Variants in NOS2 observed in about 807,000 individuals in gnomAD.
NOS2 encodes the protein nitric oxide synthase 2, also known as nitric oxide synthase, inducible.
In NOS2, 96 loss-of-function variants were observed where a neutral mutation model predicts 136.0. The ratio of observed to expected loss-of-function variants is 0.71; its 90% confidence interval spans 0.60 to 0.84. The LOEUF (loss-of-function observed/expected upper bound fraction) is 0.84. NOS2 is among the 40% of genes least tolerant of loss of function. NOS2 has a pLI of 0.00. For missense variants in NOS2, 1,237 were observed against 1,496.9 expected (o/e 0.83, Z 2.87); for synonymous variants, 539 against 587.5 (o/e 0.92, Z 1.20).
chr17:27,793,868 G>A lies in NOS2; in HGVS notation c.111-4180C>T, dbSNP rs547428739. The A allele has an allele frequency of 3.3e-4, 121 of 369,354 alleles. No individual in the cohort carries two copies. In the South Asian group the frequency reaches 0.015, roughly 45 times the overall value. 22.9% of individuals were successfully genotyped at this position (369,354 alleles called of 1,614,324 possible). A position where few individuals can be genotyped will look rare whatever the true frequency, so the allele number is the denominator to read the frequency against. ...CTGCCCCTCCTTCCCTGCCTTCCCC[G>A]GCGATCCCGGGACCCAAGCACCCAG... On this transcript the variant is annotated intron_variant, in intron 2 of 26. Transcript: ENST00000313735.
chr17:27,780,757 G>A lies in NOS2; in HGVS notation c.1004+10C>T, dbSNP rs1280448262. ...CTCGCCCTTGCCCCCAGCACCCTCA[G>A]CCTACTTACTTGGGATGTTCCATGG... is the stretch of plus-strand genomic sequence containing the variant. On this transcript the variant is annotated intron_variant, in intron 9 of 26. Transcript: ENST00000313735. The A allele has an allele frequency of 6.2e-7, 1 of 1,614,216 alleles. No homozygotes were observed. The highest frequency in any genetic ancestry group is 1.1e-5 in the South Asian group (1 of 91,086).
chr17:27,760,522 C>T, intron 24 of NOS2, 101 bp downstream of exon 24: 3 of 1,491,780 alleles, frequency 2.0e-6, no homozygotes, highest in Non-Finnish European at 2.7e-6. Flanking sequence ...GGAGGCCTTC[C>T]CTCGAGAGAG....
intron 5 of NOS2, 147 bp from the exon 6 acceptor site, chr17:27,783,253 G>A (rs1420834538): frequency 2.5e-6 from 2 of 791,306 alleles, no homozygotes; most frequent in Non-Finnish European, 4.1e-6. Flanking sequence ...GGCTGGCTTT[G>A]GGGACCTCAC....
Position 27,757,006 on chromosome 17 carries a change from T to G in NOS2, c.*240A>C. 4 of 427,752 alleles carry G rather than the reference T, an allele frequency of 9.4e-6. No homozygotes were observed. Among genetic ancestry groups the G allele is most frequent in the Non-Finnish European group, 8.2e-6 (2 of 244,464 alleles). 26.5% of individuals were successfully genotyped at this position (427,752 alleles called of 1,614,324 possible). On this transcript the variant is annotated 3_prime_UTR_variant, in exon 27 of 27. Coordinates refer to ENST00000313735, the MANE Select transcript of NOS2 (RefSeq NM_000625.4). ...CACTTGCCAGGCCTGGCATTTAAGA[T>G]TTTGTCTCCAAGGGACCAGGGAGGC... is the stretch of plus-strand genomic sequence containing the variant.
rs530896506 is a variant in NOS2 at position 27,757,149 on chromosome 17, T to A, written c.*97A>T. The A allele has an allele frequency of 8.7e-6, 8 of 920,288 alleles. No individual in the cohort carries two copies. The highest frequency in any genetic ancestry group is 7.9e-5 in the South Asian group (5 of 62,930). 57.0% of individuals were successfully genotyped at this position (920,288 alleles called of 1,614,324 possible). On this transcript the variant is annotated 3_prime_UTR_variant, in exon 27 of 27. Transcript: ENST00000313735. ...AAGACTTGAGGCTGGGGGATATCAC[T>A]TTCCTCCATCTCCCCAGGCCCTGTG...
Position 27,757,167 on chromosome 17 carries a change from G to A in NOS2, c.*79C>T, listed in dbSNP as rs1443876747. 9.0e-7 allele frequency: 1 copy of A among 1,117,024 alleles called. No homozygotes were observed. The highest frequency in any genetic ancestry group is 1.6e-5 in the African/African-American group (1 of 64,186). The allele number at this position is 1,117,024 out of a possible 1,614,324, so 69.2% of individuals were successfully genotyped here. On this transcript the variant is annotated 3_prime_UTR_variant, in exon 27 of 27. Transcript: ENST00000313735. ...ATATCACTTTCCTCCATCTCCCCAG[G>A]CCCTGTGACCTCAGATAATGCAGAG... is the stretch of plus-strand genomic sequence containing the variant.
chr17:27,762,971 C>T lies in NOS2; in HGVS notation c.2627G>A (p.Ser876Asn). The T allele has an allele frequency of 6.2e-7, 1 of 1,605,026 alleles. No individual in the cohort carries two copies. Among genetic ancestry groups the T allele is most frequent in the Non-Finnish European group, 8.5e-7 (1 of 1,176,352 alleles). ...CTCTAGCACCTCCAGGAATGTGGGG[C>T]TGTTGGTGAACTTCCACTTGCTGTA... Reference protein sequence around the residue: ...SEYSKWKFTNSPTFLEVLEEF... With the variant: ...SEYSKWKFTNNPTFLEVLEEF... The change falls in exon 22 of 27, where the codon AGC becomes AAC. Residue 876 changes from serine to asparagine, a missense_variant. Ser to Asn is a conservative substitution (Grantham distance 46, BLOSUM62 1). This residue lies in a region of NOS2 where 782 missense variants were observed against 909.9 expected (regional missense o/e 0.86). Transcript: ENST00000313735.
At position 27,774,413 on chromosome 17, in the gene NOS2, T is replaced by C; in HGVS notation, c.1320A>G (p.Ala440=). ...NVTIMDHHSA[A]ESFMKYMQNE... is the part of the protein sequence containing the mutation. ...TCTGCATGTACTTCATGAAGGATTC[T>C]GCAGCCGAGTGGTGGTCCATGATGG... Residue 440 remains alanine (A), a synonymous_variant, in exon 12 of 27, where the codon GCA becomes GCG. Coordinates refer to ENST00000313735, the MANE Select transcript of NOS2 (RefSeq NM_000625.4). 1 of 1,539,006 alleles carries C rather than the reference T, an allele frequency of 6.5e-7. No homozygotes were observed. Among genetic ancestry groups the C allele is most frequent in the Non-Finnish European group, 8.8e-7 (1 of 1,142,082 alleles).
At chr17:27,784,883 GT>G (rs1226220277) in intron 5 of NOS2, among the ~76,000 whole-genome samples, 28 of 152,204 alleles carry the variant, frequency 1.8e-4, no homozygotes, top group Non-Finnish European at 3.4e-4. Flanking sequence ...GGAAGCAGGG[GT>G]TCAAGGTATG....
rs557249542 is a variant in NOS2 at position 27,762,812 on chromosome 17, G to T, written c.2786C>A (p.Thr929Asn). Reference sequence around the variant, plus strand: ...CCCTGGCTCACCTCGGGTGTGGTAGGTGACCACGGCCACAGTCAGGTGGAT... The same window carrying T: ...CCCTGGCTCACCTCGGGTGTGGTAGTTGACCACGGCCACAGTCAGGTGGAT... The part of the protein sequence containing the change: ...TEIHLTVAVV[T>N]YHTRDGQGPL... The change falls in exon 22 of 27, where the codon ACC (threonine) becomes AAC (asparagine). Residue 929 changes from threonine (T) to asparagine (N), a missense_variant. This residue lies in a region of NOS2 where 782 missense variants were observed against 909.9 expected (regional missense o/e 0.86). Coordinates refer to ENST00000313735, the MANE Select transcript of NOS2 (RefSeq NM_000625.4). The T allele has an allele frequency of 6.4e-7, 1 of 1,552,044 alleles. No individual in the cohort carries two copies. The highest frequency in any genetic ancestry group is 2.0e-5 in the Admixed American group (1 of 50,774).
At chr17:27,758,636 C>T (rs1214386216) in intron 26 of NOS2, among the ~76,000 whole-genome samples, 5 of 152,122 alleles carry the variant, frequency 3.3e-5, no homozygotes, top group East Asian at 1.9e-4. Context: ...TCTCCTGCCC[C>T]CATTCTACAG....
chr17:27,781,425 T>C (rs768323851), intron 7 of NOS2, among the ~76,000 whole-genome samples: 3 of 152,226 alleles, frequency 2.0e-5, no homozygotes, highest in Non-Finnish European at 4.4e-5. Context: ...TCACTGCCTA[T>C]GTCTCCGTCC....
intron 4 of NOS2, among the ~76,000 whole-genome samples, chr17:27,788,224 G>A (rs1391224999): frequency 2.5e-5 from 2 of 79,562 alleles, no homozygotes; most frequent in Non-Finnish European, 5.5e-5. Context: ...ACACACACAC[G>A]AATGAAGTAC....
chr17:27,782,278 C>A (rs1597554732), intron 6 of NOS2, among the ~76,000 whole-genome samples, 172 bp from the exon 7 acceptor site: 2 of 152,272 alleles, frequency 1.3e-5, no homozygotes, highest in Middle Eastern at 6.8e-3. Context: ...CAACACCATG[C>A]AGAAGAATTC....
At chr17:27,763,535 G>A (rs1371082942) in intron 21 of NOS2, among the ~76,000 whole-genome samples, 3 of 152,188 alleles carry the variant, frequency 2.0e-5, no homozygotes, top group Admixed American at 6.5e-5. Context: ...CTTTTGCAAA[G>A]ACTTGGAACC....
At chr17:27,793,663 G>A in intron 2 of NOS2, 1 of 396,670 alleles carries the variant, frequency 2.5e-6, no homozygotes, top group East Asian at 3.6e-5. Context: ...GGGCCCGGCG[G>A]CCTCGCACGC....
Position 27,770,930 on chromosome 17 carries a change from A to G in NOS2, c.1792T>C (p.Cys598Arg), listed in dbSNP as rs1336908205. The G allele has an allele frequency of 6.2e-7, 1 of 1,613,880 alleles. No individual in the cohort carries two copies. Among genetic ancestry groups the G allele is most frequent in the Non-Finnish European group, 8.5e-7 (1 of 1,179,822 alleles). ...VVTSTFGNGD[C>R]PGNGEKLKKS... ...CCACCCACCTCTCCATTGCCAGGGC[A>G]GTCTCCATTGCCAAACGTACTGGTC... is the stretch of plus-strand genomic sequence containing the variant. The change falls in exon 15 of 27, where the codon TGC (cysteine) becomes CGC (arginine). Residue 598 changes from cysteine to arginine, a missense_variant. By Grantham distance (180) the Cys-to-Arg change is radical. Transcript: ENST00000313735.
intron 11 of NOS2, among the ~76,000 whole-genome samples, chr17:27,776,372 A>G (rs1459788627): frequency 6.6e-6 from 1 of 152,130 alleles, no homozygotes; most frequent in Non-Finnish European, 1.5e-5. Context: ...GATCAGTTCT[A>G]AGCTCAGTGG....
Position 27,798,717 on chromosome 17 carries a change from G to A in NOS2, c.93C>T (p.Ala31=), listed in dbSNP as rs3730014. ...AAACTCACCTGGAGGTGGCACAGGGGGCTTTCTCCACATTGTTGTTGATGT... is the reference window on the plus strand; with the variant it reads ...AAACTCACCTGGAGGTGGCACAGGGAGCTTTCTCCACATTGTTGTTGATGT... The part of the protein sequence containing the change: ...EKDINNNVEK[A]PCATSSPVTQ... The change falls in exon 2 of 27, where the codon GCC becomes GCT. Residue 31 remains alanine, a synonymous_variant. Transcript: ENST00000313735. The A allele has an allele frequency of 0.015, 24,649 of 1,612,452 alleles. 308 individuals are homozygous for A. The highest frequency in any genetic ancestry group is 0.039 in the South Asian group (3,569 of 91,042).
Sources: gnomAD v4.1 joint callset for allele counts (sites outside exome capture counted in the v4.1 genomes callset) on GRCh38, gnomAD v4.1.1 for gene constraint, gnomAD v4.1.1 regional missense constraint, MANE v1.5 for transcripts, NCBI Gene and HGNC (gene_info 2026-07-23, HGNC 2026-07-21) for gene names.